AMN1: variants seen among roughly 807,000 people sequenced by gnomAD.
AMN1 encodes antagonist of mitotic exit network 1 homolog, also known as protein AMN1 homolog.
In AMN1, 20 loss-of-function variants were observed where a neutral mutation model predicts 33.0. The observed-to-expected ratio is 0.61, with a 90% CI of 0.43 to 0.88. AMN1 has a LOEUF of 0.88. AMN1 is among the 40% of genes least tolerant of loss of function. The pLI is 0.00. For missense variants in AMN1, 246 were observed against 307.4 expected, an observed-to-expected ratio of 0.80 and a Z score of 1.49; for synonymous variants, 114 against 111.9, an observed-to-expected ratio of 1.02 and a Z score of -0.12.
At chr12:31,709,468 C>T (rs918007656) in intron 1 of AMN1, 43 bp from the exon 2 acceptor site, 1 of 1,569,716 alleles carries the variant, frequency 6.4e-7, no homozygotes, top group South Asian at 1.1e-5. Context: ...TGGGCCTGTA[C>T]TGATTCCTAA....
intron 2 of AMN1, among the ~76,000 whole-genome samples, chr12:31,706,018 A>G (rs2139702474): frequency 6.6e-6 from 1 of 152,208 alleles, no homozygotes; most frequent in South Asian, 2.1e-4. Context: ...TCTCTAATAA[A>G]TCTGCCTTTC....
intron 6 of AMN1, among the ~76,000 whole-genome samples, chr12:31,675,877 T>G (rs1159783162): frequency 6.6e-6 from 1 of 151,686 alleles, no homozygotes; most frequent in African/African-American, 2.4e-5. Flanking sequence ...CCATGGAAAT[T>G]AGGCAAGAAA....
At chr12:31,702,093 A>G (rs2139695803) in intron 2 of AMN1, 86 bp from the exon 3 acceptor site, 3 of 1,204,226 alleles carry the variant, frequency 2.5e-6, no homozygotes, top group Middle Eastern at 5.5e-4. Flanking sequence ...GGTGGTCATA[A>G]CAGACAAGTG....
chr12:31,712,060 C>T (rs1165088760), intron 1 of AMN1, among the ~76,000 whole-genome samples: 1 of 140,302 alleles, frequency 7.1e-6, no homozygotes. Flanking sequence ...CTCCCTTCCT[C>T]CCTCCCTCCC....
At chr12:31,727,003 C>A (rs115003532) in intron 1 of AMN1, among the ~76,000 whole-genome samples, 5 of 151,572 alleles carry the variant, frequency 3.3e-5, no homozygotes, top group Non-Finnish European at 7.4e-5. Context: ...ATTTTGAGAC[C>A]AGGTTATGAG....
chr12:31,715,690 G>T, intron 1 of AMN1: 1 of 158,100 alleles, frequency 6.3e-6, no homozygotes, highest in South Asian at 1.8e-4. Flanking sequence ...ACTCTGGGAT[G>T]GATTCTTTTG....
At chr12:31,721,772 G>A (rs1298008387) in intron 1 of AMN1, among the ~76,000 whole-genome samples, 1 of 152,122 alleles carries the variant, frequency 6.6e-6, no homozygotes, top group Non-Finnish European at 1.5e-5. Context: ...TCCTCTTTAG[G>A]ACTGTGAACT....
intron 6 of AMN1, among the ~76,000 whole-genome samples, chr12:31,676,825 T>G (rs1387712635): frequency 2.6e-5 from 4 of 151,746 alleles, no homozygotes; most frequent in African/African-American, 9.7e-5. Context: ...AATTAAAAAT[T>G]TTTGATGCCA....
At chr12:31,695,877 C>CA (rs1332080483) in intron 5 of AMN1, among the ~76,000 whole-genome samples, 1 of 152,092 alleles carries the variant, frequency 6.6e-6, no homozygotes. Context: ...TCTCTTTGGG[C>CA]AATAACTCAA....
intron 6 of AMN1, among the ~76,000 whole-genome samples, chr12:31,679,417 G>C (rs941927426): frequency 6.6e-6 from 1 of 152,128 alleles, no homozygotes. Context: ...TTTAATCCCA[G>C]CTATTCAGGA....
rs866335453 is a variant in AMN1 at position 31,712,911 on chromosome 12, C to G, written c.39-3486G>C. On this transcript the variant is annotated intron_variant, in intron 1 of 6. Transcript: ENST00000281471. ...CCTCGTGATCCACACGCCTCGGCCT[C>G]CCAAAGTGTTGGGATTACAGGTGTG... Among the ~76,000 whole-genome samples, 1,274 of 152,348 alleles carry G rather than the reference C, an allele frequency of 8.4e-3. 18 individuals are homozygous for G. Among genetic ancestry groups the G allele is most frequent in the African/African-American group, 0.029 (1,202 of 41,586 alleles).
chr12:31,681,258 C>T (rs1388764115), intron 6 of AMN1, among the ~76,000 whole-genome samples: 3 of 152,054 alleles, frequency 2.0e-5, no homozygotes, highest in East Asian at 3.9e-4. Flanking sequence ...GACGAAGTTT[C>T]GCTCTTGTTG....
At chr12:31,724,313 T>C (rs112672405) in intron 1 of AMN1, among the ~76,000 whole-genome samples, 41 of 152,274 alleles carry the variant, frequency 2.7e-4, no homozygotes, top group African/African-American at 9.2e-4. Flanking sequence ...TCTGGTGCAA[T>C]TGTTAAGTAA....
intron 1 of AMN1, among the ~76,000 whole-genome samples, chr12:31,727,041 G>A (rs531486114): frequency 3.3e-5 from 5 of 152,174 alleles, no homozygotes; most frequent in Admixed American, 3.3e-4. Flanking sequence ...TTTTGGTAGA[G>A]ACATGGTTTT....
At chr12:31,678,990 C>G (rs915076521) in intron 6 of AMN1, among the ~76,000 whole-genome samples, 4 of 151,814 alleles carry the variant, frequency 2.6e-5, no homozygotes, top group Non-Finnish European at 5.9e-5. Context: ...AAAGGGAAAC[C>G]CTGAAGCAAA....
chr12:31,717,939 T>G (rs933056340), intron 1 of AMN1, among the ~76,000 whole-genome samples: 28 of 152,082 alleles, frequency 1.8e-4, no homozygotes, highest in African/African-American at 6.5e-4. Context: ...TTCTCATTGT[T>G]CAACCTGAAT....
intron 1 of AMN1, among the ~76,000 whole-genome samples, chr12:31,721,435 C>G (rs941168600): frequency 2.0e-5 from 3 of 152,168 alleles, no homozygotes; most frequent in African/African-American, 7.2e-5. Flanking sequence ...TCTGCATTCC[C>G]CACACTTCCA....
Position 31,696,415 on chromosome 12 carries a change from A to G in AMN1, c.591+946T>C, listed in dbSNP as rs1486133212. On this transcript the variant is annotated intron_variant, in intron 5 of 6. Transcript: ENST00000281471. ...GAATGCACCACTGTGCCCTATTAAA[A>G]TAGTTATTTTTACTAACATTTTTAT... Among the ~76,000 whole-genome samples, 3 of 152,110 alleles carry G rather than the reference A, an allele frequency of 2.0e-5. No homozygotes were observed. The East Asian group carries it at 5.8e-4, about 29-fold the overall frequency.
intron 1 of AMN1, among the ~76,000 whole-genome samples, chr12:31,711,124 G>A (rs1939449650): frequency 6.6e-6 from 1 of 152,076 alleles, no homozygotes. Context: ...TGGCCAGGAT[G>A]GTCCAAACTC....
Sources: gnomAD v4.1 joint callset for allele counts (sites outside exome capture counted in the v4.1 genomes callset) on GRCh38, gnomAD v4.1.1 for gene constraint, MANE v1.5 for transcripts, NCBI Gene and HGNC (gene_info 2026-07-23, HGNC 2026-07-21) for gene names.